The following SHB variants were observed in gnomAD, a reference collection of about 807,000 sequenced individuals.
SHB encodes SH2 domain-containing adapter protein B.
In SHB, 20 loss-of-function variants were observed where a neutral mutation model predicts 52.3. The observed-to-expected ratio is 0.38, with a 90% CI of 0.27 to 0.56. The LOEUF is 0.56. SHB is among the 20% of genes least tolerant of loss of function. The pLI is 0.71. For synonymous variants in SHB, 397 were observed against 316.5 expected (o/e 1.25, Z -2.70); for missense variants, 825 against 723.3 (o/e 1.14, Z -1.61).
intron 5 of SHB, among the ~76,000 whole-genome samples, chr9:37,923,898 G>T (rs537649915): frequency 7.2e-5 from 11 of 152,176 alleles, no homozygotes; most frequent in Non-Finnish European, 1.3e-4. Flanking sequence ...CCCGCATCCC[G>T]AGCCAGCTGA....
intron 3 of SHB, among the ~76,000 whole-genome samples, chr9:37,957,264 G>A (rs1306781803): frequency 6.6e-6 from 1 of 152,236 alleles, no homozygotes; most frequent in African/African-American, 2.4e-5. Flanking sequence ...AAGCATGATT[G>A]TGGCAAGCTA....
intron 2 of SHB, among the ~76,000 whole-genome samples, chr9:37,998,216 G>GGGAGGAGGGAGGAC (rs1820973391): frequency 1.3e-5 from 2 of 151,622 alleles, no homozygotes; most frequent in Non-Finnish European, 2.9e-5. Flanking sequence ...GGAGGGAGGA[G>GGGAGGAGGGAGGAC]GGAGGAGGGA....
At chr9:38,012,306 AG>A (rs1473440787) in intron 2 of SHB, among the ~76,000 whole-genome samples, 1 of 152,196 alleles carries the variant, frequency 6.6e-6, no homozygotes, top group African/African-American at 2.4e-5. Context: ...CAAACAGGCT[AG>A]GAAGTCAGCC....
chr9:37,977,736 T>A (rs922928785), intron 2 of SHB, among the ~76,000 whole-genome samples: 3 of 152,256 alleles, frequency 2.0e-5, no homozygotes, highest in African/African-American at 7.2e-5. Flanking sequence ...TCCTCCGTTC[T>A]GAGGAGTGAA....
At chr9:38,065,947 G>C (rs1438374785) in intron 1 of SHB, among the ~76,000 whole-genome samples, 3 of 151,964 alleles carry the variant, frequency 2.0e-5, no homozygotes, top group South Asian at 2.1e-4. Context: ...TGCACTCCTC[G>C]ATGCCACACC....
intron 1 of SHB, among the ~76,000 whole-genome samples, chr9:38,042,419 C>T (rs1399776895): frequency 6.6e-6 from 1 of 152,230 alleles, no homozygotes; most frequent in Non-Finnish European, 1.5e-5. Context: ...GGGGAGGCCC[C>T]AGTCCCGCTC....
intron 1 of SHB, among the ~76,000 whole-genome samples, chr9:38,066,057 G>T (rs138327417): frequency 9.3e-4 from 142 of 152,290 alleles, no homozygotes; most frequent in African/African-American, 3.2e-3. Flanking sequence ...CTCTGTCATA[G>T]CATTCGCTGC....
chr9:37,981,054 A>ATT (rs1379976126), intron 2 of SHB, among the ~76,000 whole-genome samples: 2 of 152,222 alleles, frequency 1.3e-5, no homozygotes, highest in African/African-American at 4.8e-5. Context: ...AGAATGGCAA[A>ATT]TGAGCACTGG....
At chr9:38,030,753 G>C (rs756318221) in intron 1 of SHB, among the ~76,000 whole-genome samples, 6 of 152,072 alleles carry the variant, frequency 3.9e-5, no homozygotes, top group Non-Finnish European at 5.9e-5. Context: ...TGATCGTGAT[G>C]ACCCCTCCCC....
chr9:37,936,251 A>G (rs1832369825), intron 5 of SHB, among the ~76,000 whole-genome samples: 1 of 152,128 alleles, frequency 6.6e-6, no homozygotes, highest in South Asian at 2.1e-4. Context: ...ACACCATTAT[A>G]AAAGAGATTC....
chr9:38,065,100 T>C (rs978643449), intron 1 of SHB, among the ~76,000 whole-genome samples: 1 of 152,154 alleles, frequency 6.6e-6, no homozygotes, highest in African/African-American at 2.4e-5. Context: ...GAGTGAGACC[T>C]CTAACAATAG....
chr9:37,982,235 G>C (rs1820736526), intron 2 of SHB, among the ~76,000 whole-genome samples: 1 of 152,212 alleles, frequency 6.6e-6, no homozygotes. Context: ...GCTCACGCCT[G>C]TACTCCTAGC....
At chr9:37,973,996 T>C (rs1820622977) in intron 3 of SHB, among the ~76,000 whole-genome samples, 1 of 152,228 alleles carries the variant, frequency 6.6e-6, no homozygotes, top group African/African-American at 2.4e-5. Context: ...GGCTCACGCC[T>C]GTAATCCCAG....
chr9:38,000,178 C>T (rs1005106316), intron 2 of SHB, among the ~76,000 whole-genome samples: 7 of 152,190 alleles, frequency 4.6e-5, no homozygotes, highest in East Asian at 1.9e-4. Context: ...GAGAAGTCAG[C>T]GAGAATTGCT....
chr9:38,001,877 G>A (rs1266213949), intron 2 of SHB, among the ~76,000 whole-genome samples: 1 of 152,236 alleles, frequency 6.6e-6, no homozygotes, highest in East Asian at 1.9e-4. Flanking sequence ...ATGAACAGGA[G>A]AGAAGAGAAA....
rs368541696 is a variant in SHB, at chr9:38,068,526, G to A, written c.120C>T (p.Pro40=). The A allele has an allele frequency of 2.6e-4, 381 of 1,457,700 alleles. No homozygotes were observed. The highest frequency in any genetic ancestry group is 4.5e-4 in the East Asian group (16 of 35,210). 90.3% of individuals were successfully genotyped at this position (1,457,700 alleles called of 1,614,324 possible). The change falls in exon 1 of 6, where the codon CCC becomes CCT. Residue 40 remains proline (P), a synonymous_variant. Coordinates refer to ENST00000377707, the MANE Select transcript of SHB (RefSeq NM_003028.3). ...QRRRGERPSQ[P]PQAVPQASSA... is the part of the protein sequence containing the mutation. ...AGGAGGCCTGCGGCACGGCCTGGGGGGGCTGCGAAGGCCGCTCGCCTCGGC... is the reference window on the plus strand; with the variant it reads ...AGGAGGCCTGCGGCACGGCCTGGGGAGGCTGCGAAGGCCGCTCGCCTCGGC...
At chr9:37,958,909 C>T (rs371496890) in intron 3 of SHB, among the ~76,000 whole-genome samples, 1 of 152,156 alleles carries the variant, frequency 6.6e-6, no homozygotes, top group South Asian at 2.1e-4. Flanking sequence ...TACCCGAGCC[C>T]CTACTTTGCA....
At chr9:38,028,434 C>T (rs1233069609) in intron 1 of SHB, among the ~76,000 whole-genome samples, 2 of 152,202 alleles carry the variant, frequency 1.3e-5, no homozygotes, top group African/African-American at 4.8e-5. Context: ...CATCACCCTG[C>T]AGCTGGGGTG....
At chr9:37,974,565 G>GGTGA (rs2117966417) in intron 3 of SHB, 57 bp downstream of exon 3, 1 of 1,473,916 alleles carries the variant, frequency 6.8e-7, no homozygotes, top group Non-Finnish European at 9.3e-7. Flanking sequence ...TGGGGACCAA[G>GGTGA]GTGAGTGCTG....
Sources: gnomAD v4.1 joint callset for allele counts (sites outside exome capture counted in the v4.1 genomes callset) on GRCh38, gnomAD v4.1.1 for gene constraint, MANE v1.5 for transcripts, NCBI Gene and HGNC (gene_info 2026-07-23, HGNC 2026-07-21) for gene names.